KCNQ3: variants seen among roughly 807,000 people sequenced by gnomAD.
The protein encoded by KCNQ3 is potassium voltage-gated channel subfamily Q member 3, also known as potassium voltage-gated channel subfamily KQT member 3.
Under a neutral mutation model 92.5 loss-of-function variants are expected in KCNQ3, and 30 were observed. That is an observed-to-expected ratio of 0.32 (90% CI 0.24 to 0.44). The LOEUF is 0.44. KCNQ3 is among the 20% of genes least tolerant of loss of function. The pLI is 1.00. For missense variants in KCNQ3, 913 were observed against 1,140.3 expected (o/e 0.80, Z 2.87); for synonymous variants, 450 against 468.8 (o/e 0.96, Z 0.52).
intron 2 of KCNQ3, 44 bp downstream of exon 2, chr8:132,186,047 C>T: frequency 1.3e-6 from 2 of 1,488,344 alleles, no homozygotes; most frequent in Non-Finnish European, 1.9e-6. Flanking sequence ...TTTCATCACT[C>T]TGGAAGCCCA....
rs192094292 is a variant in KCNQ3 at position 132,221,973 on chromosome 8, A to G, written c.387-35792T>C. ...GAAACCATAAAAACCCTAGAAGAAAACCTAGGCAATACCATTTAGGACATA... is the reference window on the plus strand; with the variant it reads ...GAAACCATAAAAACCCTAGAAGAAAGCCTAGGCAATACCATTTAGGACATA... On this transcript the variant is annotated intron_variant, in intron 1 of 14. Coordinates refer to ENST00000388996, the MANE Select transcript of KCNQ3 (RefSeq NM_004519.4). Among the ~76,000 whole-genome samples the G allele has an allele frequency of 4.1e-4, 62 of 152,314 alleles. 2 individuals carry two copies. In the East Asian group the frequency reaches 8.7e-3, roughly 21 times the overall value.
chr8:132,396,394 C>T (rs375613440), intron 1 of KCNQ3, among the ~76,000 whole-genome samples: 6 of 151,172 alleles, frequency 4.0e-5, no homozygotes, highest in Non-Finnish European at 7.4e-5. Context: ...AAACAAAACC[C>T]GACCTCCTCA....
rs1194040861 is a variant in KCNQ3, at chr8:132,126,363, C to G, written c.*2899G>C. The G allele has an allele frequency of 2.6e-5, 4 of 152,106 alleles. No homozygotes were observed. The highest frequency in any genetic ancestry group is 9.7e-5 in the African/African-American group (4 of 41,416). 9.4% of individuals were successfully genotyped at this position (152,106 alleles called of 1,614,324 possible). ...CCCATAACTCACATTCAATTCCAGA[C>G]CCTGAATTTCTGCTTGCTCACTGTG... On this transcript the variant is annotated 3_prime_UTR_variant, in exon 15 of 15. Coordinates refer to ENST00000388996, the MANE Select transcript of KCNQ3 (RefSeq NM_004519.4).
chr8:132,309,507 C>T (rs1817528390), intron 1 of KCNQ3, among the ~76,000 whole-genome samples: 1 of 152,024 alleles, frequency 6.6e-6, no homozygotes, highest in Non-Finnish European at 1.5e-5. Flanking sequence ...TAATGAATGG[C>T]TCAACTCCCT....
At chr8:132,463,262 G>A (rs765294799) in intron 1 of KCNQ3, among the ~76,000 whole-genome samples, 55 of 152,298 alleles carry the variant, frequency 3.6e-4, no homozygotes, top group Middle Eastern at 3.4e-3. Flanking sequence ...AATAAGAAGC[G>A]TAGTTCAAGA....
At position 132,347,791 on chromosome 8, in the gene KCNQ3, C is replaced by T. The variant is rs542945492; in HGVS notation, c.386+132356G>A. 2.0e-5 allele frequency among the ~76,000 whole-genome samples: 3 copies of T among 152,068 alleles called. No individual in the cohort carries two copies. The East Asian group carries it at 5.8e-4, about 30-fold the overall frequency. ...AGGAAATCGAGACCATCCTGGCTAA[C>T]ACAGTGAAACCCCGTCTCTACTAAA... is the stretch of plus-strand genomic sequence containing the variant. On this transcript the variant is annotated intron_variant, in intron 1 of 14. Transcript: ENST00000388996.
chr8:132,378,989 C>G (rs971131543), intron 1 of KCNQ3, among the ~76,000 whole-genome samples: 4 of 152,196 alleles, frequency 2.6e-5, no homozygotes, highest in African/African-American at 9.6e-5. Flanking sequence ...CCAATGGGAA[C>G]CATAAAGTTA....
intron 1 of KCNQ3, among the ~76,000 whole-genome samples, chr8:132,356,340 T>C (rs1819017045): frequency 6.6e-6 from 1 of 152,170 alleles, no homozygotes; most frequent in South Asian, 2.1e-4. Flanking sequence ...ATTGAAAAGA[T>C]AAGATAGCAG....
intron 1 of KCNQ3, chr8:132,278,314 A>T (rs1055974198): frequency 5.2e-5 from 29 of 558,618 alleles, no homozygotes; most frequent in Non-Finnish European, 6.6e-5. Flanking sequence ...GGAAAAAAAA[A>T]GAAGAAAAAT....
intron 1 of KCNQ3, among the ~76,000 whole-genome samples, chr8:132,406,943 G>A (rs1342836656): frequency 6.6e-6 from 1 of 152,224 alleles, no homozygotes; most frequent in Non-Finnish European, 1.5e-5. Context: ...CAAAGGGAAA[G>A]TGAAGAAGTG....
intron 1 of KCNQ3, among the ~76,000 whole-genome samples, chr8:132,289,446 C>A (rs1465881163): frequency 2.6e-5 from 4 of 152,186 alleles, no homozygotes; most frequent in Non-Finnish European, 5.9e-5. Context: ...CTTGTCTCTT[C>A]CAGCTTCTGG....
intron 4 of KCNQ3, among the ~76,000 whole-genome samples, chr8:132,177,731 T>A (rs1311951711): frequency 6.6e-6 from 1 of 152,186 alleles, no homozygotes; most frequent in Non-Finnish European, 1.5e-5. Flanking sequence ...GATCTTTGAG[T>A]GCCCAGAAGA....
At chr8:132,200,398 A>G (rs1827423254) in intron 1 of KCNQ3, among the ~76,000 whole-genome samples, 1 of 152,216 alleles carries the variant, frequency 6.6e-6, no homozygotes, top group African/African-American at 2.4e-5. Flanking sequence ...TATAAAGCTT[A>G]TAATATTTAC....
chr8:132,134,453 C>T, intron 12 of KCNQ3, 65 bp from the exon 13 acceptor site: 1 of 1,103,276 alleles, frequency 9.1e-7, no homozygotes, highest in South Asian at 1.3e-5. Flanking sequence ...GAAAACAAAT[C>T]ATTCTATTCT....
intron 1 of KCNQ3, among the ~76,000 whole-genome samples, chr8:132,448,433 A>C (rs2130847034): frequency 6.9e-6 from 1 of 144,430 alleles, no homozygotes; most frequent in Non-Finnish European, 1.5e-5. Flanking sequence ...AACGTCATGT[A>C]GGCGTAGGTC....
intron 1 of KCNQ3, among the ~76,000 whole-genome samples, chr8:132,269,983 A>C (rs910799912): frequency 2.0e-5 from 3 of 152,234 alleles, no homozygotes; most frequent in Admixed American, 2.0e-4. Flanking sequence ...TAGAAAATTT[A>C]CATTTTGATC....
At chr8:132,395,950 G>A (rs572360234) in intron 1 of KCNQ3, among the ~76,000 whole-genome samples, 9 of 152,286 alleles carry the variant, frequency 5.9e-5, no homozygotes, top group East Asian at 1.9e-4. Flanking sequence ...GGTCACAGCC[G>A]GGCCTGAGTT....
At chr8:132,245,233 C>CAG (rs993057301) in intron 1 of KCNQ3, among the ~76,000 whole-genome samples, 1 of 152,100 alleles carries the variant, frequency 6.6e-6, no homozygotes, top group Admixed American at 6.6e-5. Context: ...TAAGGGTTCT[C>CAG]AGAGAGAGAG....
intron 9 of KCNQ3, among the ~76,000 whole-genome samples, chr8:132,149,476 G>A (rs917696424): frequency 1.3e-5 from 2 of 152,116 alleles, no homozygotes; most frequent in African/African-American, 2.4e-5. Context: ...ACAAGAACCC[G>A]GTTTCTTCCT....
Sources: allele counts gnomAD v4.1 joint callset (sites outside exome capture counted in the v4.1 genomes callset), GRCh38; gene constraint gnomAD v4.1.1; transcripts MANE v1.5; gene names NCBI Gene and HGNC (gene_info 2026-07-23, HGNC 2026-07-21).